Variants in RGS7 observed in about 807,000 individuals in gnomAD.
RGS7 encodes the protein regulator of G protein signaling 7.
RGS7 carries 27 observed loss-of-function variants against 81.1 expected under a neutral mutation model. That is an observed-to-expected ratio of 0.33 (90% CI 0.25 to 0.46). RGS7 has a LOEUF of 0.46. RGS7 is among the 20% of genes least tolerant of loss of function. The probability of loss-of-function intolerance (pLI) is 1.00; values close to 1 mark genes in which losing one functional copy is unlikely to be tolerated. For synonymous variants in RGS7, 208 were observed against 207.7 expected, an observed-to-expected ratio of 1.00 and a Z score of -0.01; for missense variants, 396 against 607.4, an observed-to-expected ratio of 0.65 and a Z score of 3.66.
chr1:241,224,575 T>A (rs1168325476), intron 2 of RGS7, among the ~76,000 whole-genome samples: 1 of 152,160 alleles, frequency 6.6e-6, no homozygotes, highest in African/African-American at 2.4e-5. Flanking sequence ...CCATAAAAGT[T>A]AAAGAAAATC....
chr1:241,202,553 A>T (rs1202395271), intron 2 of RGS7, among the ~76,000 whole-genome samples: 1 of 152,206 alleles, frequency 6.6e-6, no homozygotes, highest in Admixed American at 6.5e-5. Flanking sequence ...GTGTTGAAAC[A>T]CGATTGGGCA....
chr1:241,284,218 T>C (rs933122487), intron 2 of RGS7, among the ~76,000 whole-genome samples: 2 of 152,354 alleles, frequency 1.3e-5, no homozygotes, highest in Non-Finnish European at 2.9e-5. Flanking sequence ...AACCCAGAAT[T>C]TTTCTGGTCA....
intron 2 of RGS7, among the ~76,000 whole-genome samples, chr1:241,313,705 AGTG>A (rs2080690288): frequency 6.6e-6 from 1 of 152,262 alleles, no homozygotes; most frequent in African/African-American, 2.4e-5. Context: ...CCATGTAGAT[AGTG>A]ATTTCTCTGA....
chr1:240,892,806 T>C (rs1408615756), intron 6 of RGS7, among the ~76,000 whole-genome samples: 1 of 152,182 alleles, frequency 6.6e-6, no homozygotes, highest in Non-Finnish European at 1.5e-5. Flanking sequence ...CCACAGTCTC[T>C]CTGAACCTAT....
At chr1:240,935,212 G>T (rs2148369971) in intron 5 of RGS7, among the ~76,000 whole-genome samples, 1 of 151,922 alleles carries the variant, frequency 6.6e-6, no homozygotes, top group South Asian at 2.1e-4. Context: ...TGCCCTTTTA[G>T]ACCCATGAGC....
chr1:240,882,372 C>A (rs557613659), intron 6 of RGS7, among the ~76,000 whole-genome samples: 2 of 152,156 alleles, frequency 1.3e-5, no homozygotes, highest in Non-Finnish European at 2.9e-5. Flanking sequence ...TGTCATTGAA[C>A]GATTCTACCA....
chr1:241,044,395 C>A (rs1293574071), intron 3 of RGS7, among the ~76,000 whole-genome samples: 1 of 152,050 alleles, frequency 6.6e-6, no homozygotes, highest in South Asian at 2.1e-4. Flanking sequence ...CAGGCATGAG[C>A]TACCGTGCCC....
At chr1:241,238,285 G>T (rs1057230582) in intron 2 of RGS7, among the ~76,000 whole-genome samples, 3 of 152,244 alleles carry the variant, frequency 2.0e-5, no homozygotes, top group African/African-American at 4.8e-5. Context: ...ATAAAAGGAA[G>T]TAATAGTGGC....
intron 2 of RGS7, among the ~76,000 whole-genome samples, chr1:241,263,607 A>G (rs2077447958): frequency 6.6e-6 from 1 of 152,212 alleles, no homozygotes; most frequent in South Asian, 2.1e-4. Flanking sequence ...CTAAGGTTAT[A>G]GCAGATAATA....
chr1:240,998,056 A>G (rs1687561322), intron 3 of RGS7, among the ~76,000 whole-genome samples: 3 of 152,178 alleles, frequency 2.0e-5, no homozygotes, highest in African/African-American at 7.2e-5. Flanking sequence ...TGCCTCAGGA[A>G]AAATGTTTGC....
intron 2 of RGS7, among the ~76,000 whole-genome samples, chr1:241,332,833 A>T (rs1434998799): frequency 6.6e-6 from 1 of 152,216 alleles, no homozygotes; most frequent in Non-Finnish European, 1.5e-5. Context: ...AAGGAAGAAA[A>T]AAAATTAGAA....
chr1:241,111,601 C>A (rs893758302), intron 2 of RGS7, among the ~76,000 whole-genome samples: 4 of 150,312 alleles, frequency 2.7e-5, no homozygotes, highest in Non-Finnish European at 4.4e-5. Context: ...CATAGCAAGA[C>A]CCCCCCTCTC....
At chr1:240,900,390 C>T (rs1669789138) in intron 6 of RGS7, among the ~76,000 whole-genome samples, 1 of 152,194 alleles carries the variant, frequency 6.6e-6, no homozygotes, top group South Asian at 2.1e-4. Flanking sequence ...GAATTTTCAG[C>T]TTTTCTGCTC....
chr1:240,845,597 A>G (rs1389510016), intron 9 of RGS7, among the ~76,000 whole-genome samples: 1 of 152,172 alleles, frequency 6.6e-6, no homozygotes, highest in African/African-American at 2.4e-5. Context: ...AACTCTTCAG[A>G]GTCTTGCTTT....
At chr1:241,183,101 C>T (rs1400788356) in intron 2 of RGS7, among the ~76,000 whole-genome samples, 1 of 152,166 alleles carries the variant, frequency 6.6e-6, no homozygotes, top group Admixed American at 6.5e-5. Flanking sequence ...ACACAGTCTG[C>T]TGGCTGGGTT....
chr1:241,127,976 A>G (rs1022683848), intron 2 of RGS7, among the ~76,000 whole-genome samples: 1 of 152,110 alleles, frequency 6.6e-6, no homozygotes, highest in African/African-American at 2.4e-5. Context: ...GCAGTATGTT[A>G]TCTAAAAAGT....
intron 3 of RGS7, among the ~76,000 whole-genome samples, chr1:241,074,177 C>T (rs1351739941): frequency 6.6e-6 from 1 of 152,192 alleles, no homozygotes; most frequent in Non-Finnish European, 1.5e-5. Flanking sequence ...GGATTACAGG[C>T]TTGAGCCATC....
chr1:240,944,232 A>G (rs1678096960), intron 4 of RGS7, among the ~76,000 whole-genome samples: 1 of 143,214 alleles, frequency 7.0e-6, no homozygotes, highest in African/African-American at 2.6e-5. Context: ...CCATCAGCCA[A>G]TCCTTTAACA....
At chr1:241,035,153 G>C (rs1186108562) in intron 3 of RGS7, among the ~76,000 whole-genome samples, 3 of 152,116 alleles carry the variant, frequency 2.0e-5, no homozygotes, top group Non-Finnish European at 4.4e-5. Flanking sequence ...TATAGAGCTA[G>C]AATAGCAACA....
Sources: gnomAD v4.1 joint callset for allele counts (sites outside exome capture counted in the v4.1 genomes callset) on GRCh38, gnomAD v4.1.1 for gene constraint, MANE v1.5 for transcripts, NCBI Gene and HGNC (gene_info 2026-07-23, HGNC 2026-07-21) for gene names.